Variants in PDE4B observed in about 807,000 individuals in gnomAD.
The protein encoded by PDE4B is phosphodiesterase 4B.
A neutral mutation model predicts 82.2 loss-of-function variants in PDE4B; 20 were observed. That is an observed-to-expected ratio of 0.24 (90% confidence interval 0.17 to 0.35). The LOEUF (loss-of-function observed/expected upper bound fraction) is 0.35, where lower values mean the gene tolerates loss of function less well. PDE4B is among the 10% of genes least tolerant of loss of function. The pLI, the probability that PDE4B is intolerant of heterozygous loss-of-function variation, is 1.00. For missense variants in PDE4B, 655 were observed against 907.2 expected (o/e 0.72, Z 3.57); for synonymous variants, 320 against 318.9 (o/e 1.00, Z -0.04).
At chr1:66,205,039 C>A (rs1373459532) in intron 3 of PDE4B, among the ~76,000 whole-genome samples, 1 of 152,168 alleles carries the variant, frequency 6.6e-6, no homozygotes, top group East Asian at 1.9e-4. Context: ...CTTTTCCAAC[C>A]CATGTGACTG....
chr1:65,950,713 G>A (rs1648949971), intron 3 of PDE4B, among the ~76,000 whole-genome samples: 1 of 152,058 alleles, frequency 6.6e-6, no homozygotes, highest in South Asian at 2.1e-4. Flanking sequence ...AGGGAAAGTG[G>A]TGTATCCACC....
chr1:65,840,836 C>G (rs1359269490), intron 1 of PDE4B, among the ~76,000 whole-genome samples: 2 of 152,150 alleles, frequency 1.3e-5, no homozygotes, highest in Non-Finnish European at 1.5e-5. Context: ...ATCCCCTTGT[C>G]GCATTGAATC....
intron 3 of PDE4B, among the ~76,000 whole-genome samples, chr1:66,161,907 A>C (rs902907298): frequency 1.9e-4 from 29 of 152,218 alleles, no homozygotes; most frequent in Admixed American, 6.5e-5. Context: ...GACTTTAAGC[A>C]GGTGACTTAA....
At chr1:65,987,767 C>T (rs1651030989) in intron 3 of PDE4B, among the ~76,000 whole-genome samples, 1 of 152,142 alleles carries the variant, frequency 6.6e-6, no homozygotes, top group Admixed American at 6.5e-5. Flanking sequence ...CATGCGCTGC[C>T]ACGCCCAGCT....
At chr1:66,028,075 GC>G (rs1268362390) in intron 3 of PDE4B, among the ~76,000 whole-genome samples, 1 of 152,198 alleles carries the variant, frequency 6.6e-6, no homozygotes, top group African/African-American at 2.4e-5. Flanking sequence ...CTTCTGCATT[GC>G]CCTAGCAGAG....
chr1:66,031,228 G>T (rs1570033366), intron 3 of PDE4B, among the ~76,000 whole-genome samples: 1 of 152,172 alleles, frequency 6.6e-6, no homozygotes, highest in Non-Finnish European at 1.5e-5. Flanking sequence ...ATTGATTAGA[G>T]AATTTTAGGT....
intron 1 of PDE4B, among the ~76,000 whole-genome samples, chr1:65,815,480 C>T (rs1163627822): frequency 1.3e-5 from 2 of 151,974 alleles, no homozygotes; most frequent in Non-Finnish European, 2.9e-5. Flanking sequence ...ATAAATGCAA[C>T]ATGGTATCCT....
intron 3 of PDE4B, among the ~76,000 whole-genome samples, chr1:66,114,369 G>A (rs780641194): frequency 6.6e-6 from 1 of 152,104 alleles, no homozygotes; most frequent in Non-Finnish European, 1.5e-5. Context: ...GTTGAAAGTG[G>A]TTAAGTTTCT....
chr1:66,163,964 C>T lies in PDE4B; in HGVS notation c.282-83496C>T, dbSNP rs542989929. On this transcript the variant is annotated intron_variant, in intron 3 of 16. Coordinates refer to ENST00000341517, the MANE Select transcript of PDE4B (RefSeq NM_002600.4). ...TTGTACTCTCAGATAACATTTATTCCTTGTTGTTTTTCCTCTAGTGAGCTT... is the reference window on the plus strand; with the variant it reads ...TTGTACTCTCAGATAACATTTATTCTTTGTTGTTTTTCCTCTAGTGAGCTT... Among the ~76,000 whole-genome samples, 23 of 152,210 alleles carry T rather than the reference C, an allele frequency of 1.5e-4. No individual in the cohort carries two copies. In the East Asian group the frequency reaches 3.3e-3, roughly 22 times the overall value.
At chr1:66,085,233 G>A (rs1008008188) in intron 3 of PDE4B, among the ~76,000 whole-genome samples, 1 of 152,154 alleles carries the variant, frequency 6.6e-6, no homozygotes, top group Non-Finnish European at 1.5e-5. Flanking sequence ...TTCTGATGTA[G>A]ACTAAAATTT....
At chr1:66,369,152 G>A (rs1280375714) in intron 16 of PDE4B, among the ~76,000 whole-genome samples, 183 bp downstream of exon 16, 1 of 152,188 alleles carries the variant, frequency 6.6e-6, no homozygotes, top group Non-Finnish European at 1.5e-5. Context: ...GTTTCACAGG[G>A]TGGGGAAAAG....
intron 3 of PDE4B, among the ~76,000 whole-genome samples, chr1:66,090,291 C>A (rs914493145): frequency 2.6e-5 from 4 of 151,820 alleles, no homozygotes; most frequent in African/African-American, 9.7e-5. Context: ...AGCTATAAAG[C>A]CTATTTCTTC....
chr1:65,945,292 C>T (rs1166157195), intron 3 of PDE4B, among the ~76,000 whole-genome samples: 3 of 151,966 alleles, frequency 2.0e-5, no homozygotes, highest in African/African-American at 4.8e-5. Context: ...GATTAGTGCA[C>T]TCCCTGGCTA....
intron 6 of PDE4B, among the ~76,000 whole-genome samples, 179 bp downstream of exon 6, chr1:66,258,042 A>G (rs1376686079): frequency 2.0e-5 from 3 of 152,196 alleles, no homozygotes; most frequent in Admixed American, 6.6e-5. Flanking sequence ...ATACAACACT[A>G]TAAGTAACCT....
At chr1:66,075,890 T>TAAACA (rs755561830) in intron 3 of PDE4B, among the ~76,000 whole-genome samples, 7,091 of 92,854 alleles carry the variant, frequency 0.076, 197 homozygotes, top group Middle Eastern at 0.096. Context: ...CATTCACATT[T>TAAACA]AAACAAAACA....
At chr1:65,906,627 G>A (rs1250580641) in intron 1 of PDE4B, among the ~76,000 whole-genome samples, 2 of 152,014 alleles carry the variant, frequency 1.3e-5, no homozygotes, top group Admixed American at 6.6e-5. Context: ...TACACAAGCA[G>A]AAACATGGGG....
chr1:66,293,245 G>A (rs1173333932), intron 7 of PDE4B, among the ~76,000 whole-genome samples: 1 of 152,142 alleles, frequency 6.6e-6, no homozygotes, highest in Non-Finnish European at 1.5e-5. Context: ...CTCCTCACGT[G>A]CAGCAGTCAT....
chr1:66,012,495 C>T (rs1652541623), intron 3 of PDE4B, among the ~76,000 whole-genome samples: 1 of 152,036 alleles, frequency 6.6e-6, no homozygotes, highest in Non-Finnish European at 1.5e-5. Context: ...ATGGTTGTTT[C>T]TCTCTGAAAA....
intron 3 of PDE4B, among the ~76,000 whole-genome samples, chr1:65,963,449 T>A (rs1218464453): frequency 6.6e-6 from 1 of 152,180 alleles, no homozygotes; most frequent in Non-Finnish European, 1.5e-5. Flanking sequence ...ATTGCACCCC[T>A]GCAGCAAGGT....
Sources: gnomAD v4.1 joint callset for allele counts (sites outside exome capture counted in the v4.1 genomes callset) on GRCh38, gnomAD v4.1.1 for gene constraint, MANE v1.5 for transcripts, NCBI Gene and HGNC (gene_info 2026-07-23, HGNC 2026-07-21) for gene names.